NWD1: variants seen among roughly 807,000 people sequenced by gnomAD.
The protein encoded by NWD1 is NACHT and WD repeat domain containing 1.
Under a neutral mutation model 135.1 loss-of-function variants are expected in NWD1, and 129 were observed. The ratio of observed to expected loss-of-function variants is 0.96; its 90% CI spans 0.83 to 1.11. NWD1 has a LOEUF of 1.11. NWD1 is among the 50% of genes least tolerant of loss of function. The pLI, the probability that NWD1 is intolerant of heterozygous loss-of-function variation, is 0.00. For synonymous variants in NWD1, 773 were observed against 786.0 expected, an observed-to-expected ratio of 0.98 and a Z score of 0.28; for missense variants, 1,740 against 1,851.3, an observed-to-expected ratio of 0.94 and a Z score of 1.10.
At chr19:16,783,866 C>T (rs1969947381) in intron 12 of NWD1, among the ~76,000 whole-genome samples, 1 of 152,046 alleles carries the variant, frequency 6.6e-6, no homozygotes, top group African/African-American at 2.4e-5. Context: ...CAACTATTTA[C>T]ATAGCACGTA....
At chr19:16,764,005 T>C in intron 9 of NWD1, 60 bp downstream of exon 9, 2 of 1,021,740 alleles carry the variant, frequency 2.0e-6, no homozygotes, top group South Asian at 1.3e-5. Context: ...GCTCCAGTCT[T>C]CTAGAGCCTG....
intron 11 of NWD1, among the ~76,000 whole-genome samples, chr19:16,775,477 A>G (rs958013914): frequency 4.6e-5 from 7 of 152,024 alleles, no homozygotes; most frequent in African/African-American, 1.2e-4. Flanking sequence ...TTGGCCCAAT[A>G]TAGCTGCTCC....
chr19:16,772,386 G>A (rs139993199), intron 10 of NWD1, among the ~76,000 whole-genome samples: 4 of 152,036 alleles, frequency 2.6e-5, no homozygotes, highest in East Asian at 2.0e-4. Flanking sequence ...ATAGCCAGGC[G>A]CGGTGGCTCA....
intron 10 of NWD1, among the ~76,000 whole-genome samples, chr19:16,766,026 A>C (rs1179555725): frequency 1.3e-5 from 2 of 151,680 alleles, no homozygotes; most frequent in African/African-American, 4.8e-5. Context: ...CAAAAAAAAA[A>C]AAAAAAAAAG....
At position 16,762,056 on chromosome 19, in the gene NWD1, T is replaced by A. The variant is rs1207569452; in HGVS notation, c.2051T>A (p.Phe684Tyr). 1 of 1,613,756 alleles carries A rather than the reference T, an allele frequency of 6.2e-7. No individual in the cohort carries two copies. The highest frequency in any genetic ancestry group is 8.5e-7 in the Non-Finnish European group (1 of 1,179,852). Residue 684 changes from phenylalanine (F) to tyrosine (Y), a missense_variant, in exon 8 of 19, where the codon TTC (phenylalanine) becomes TAC (tyrosine). Coordinates refer to ENST00000524140, the MANE Select transcript of NWD1 (RefSeq NM_001007525.5). ...RAKRHGVLADFFSGTWSQGTK... is the reference protein window; with the variant it reads ...RAKRHGVLADYFSGTWSQGTK... ...AAGAGGCATGGCGTCCTGGCCGACTTCTTCTCAGGGACCTGGAGCCAGGGT... is the reference window on the plus strand; with the variant it reads ...AAGAGGCATGGCGTCCTGGCCGACTACTTCTCAGGGACCTGGAGCCAGGGT...
In NWD1 at chr19:16,753,761, C is replaced by T. The variant is rs1308816629; in HGVS notation, c.1769+3350C>T. Among the ~76,000 whole-genome samples the T allele has an allele frequency of 2.0e-5, 3 of 152,206 alleles. No individual in the cohort carries two copies. The East Asian group carries it at 5.8e-4, about 29-fold the overall frequency. ...TAGTGCAGAGAGTAAGAAACCTTGCCTTAGCCTGAGAGACCCTATCCATTC... is the reference window on the plus strand; with the variant it reads ...TAGTGCAGAGAGTAAGAAACCTTGCTTTAGCCTGAGAGACCCTATCCATTC... On this transcript the variant is annotated intron_variant, in intron 6 of 18. Transcript: ENST00000524140.
At chr19:16,755,394 C>A (rs1458195311) in intron 6 of NWD1, among the ~76,000 whole-genome samples, 1 of 151,616 alleles carries the variant, frequency 6.6e-6, no homozygotes, top group African/African-American at 2.4e-5. Flanking sequence ...TTTATTTCTT[C>A]TTTTTTTTCT....
intron 16 of NWD1, among the ~76,000 whole-genome samples, chr19:16,799,020 C>G (rs1970512256): frequency 6.6e-6 from 1 of 151,236 alleles, no homozygotes; most frequent in Non-Finnish European, 1.5e-5. Flanking sequence ...AAAAGGTTTA[C>G]AGGGCACCCT....
chr19:16,738,614 AT>A (rs1359642527), intron 4 of NWD1, among the ~76,000 whole-genome samples: 1 of 145,630 alleles, frequency 6.9e-6, no homozygotes, highest in Non-Finnish European at 1.5e-5. Flanking sequence ...GAGATATTCT[AT>A]TTTCTGAGAT....
At chr19:16,761,919 C>T in intron 7 of NWD1, 60 bp from the exon 8 acceptor site, 1 of 1,452,112 alleles carries the variant, frequency 6.9e-7, no homozygotes, top group Non-Finnish European at 9.5e-7. Context: ...GGAAGACAAG[C>T]AGCCACCTTT....
At position 16,738,886 on chromosome 19, in the gene NWD1, A is replaced by T. The variant is rs185908504; in HGVS notation, c.198+2136A>T. On this transcript the variant is annotated intron_variant, in intron 4 of 18. Transcript: ENST00000524140. ...TATAATATATAATACATTATATATT[A>T]TATATATATATATTTCACTCCTTTT... Among the ~76,000 whole-genome samples, 843 of 141,390 alleles carry T rather than the reference A, an allele frequency of 6.0e-3. 9 individuals are homozygous for T. Among genetic ancestry groups the T allele is most frequent in the African/African-American group, 0.021 (803 of 37,592 alleles). 92.8% of individuals were successfully genotyped at this position (141,390 alleles called of 152,430 possible).
chr19:16,791,662 G>C, intron 14 of NWD1, 40 bp downstream of exon 14: 1 of 1,577,800 alleles, frequency 6.3e-7, no homozygotes, highest in Non-Finnish European at 8.7e-7. Context: ...CATTAACTCA[G>C]CTTGAAAGTG....
intron 1 of NWD1, among the ~76,000 whole-genome samples, chr19:16,723,200 AT>A (rs1321238240): frequency 6.6e-6 from 1 of 151,808 alleles, no homozygotes; most frequent in African/African-American, 2.4e-5. Flanking sequence ...TGTCCAGCTG[AT>A]TTTTTTGCTG....
At position 16,746,680 on chromosome 19, in the gene NWD1, A is replaced by G. The variant is rs574828163; in HGVS notation, c.496+1962A>G. Reference sequence around the variant, plus strand: ...GAGCAAGACTCTGTCTAAAAACAAAAAACAAAAAACAACAAAAAAAAACAG... The same window carrying G: ...GAGCAAGACTCTGTCTAAAAACAAAGAACAAAAAACAACAAAAAAAAACAG... On this transcript the variant is annotated intron_variant, in intron 5 of 18. Coordinates refer to ENST00000524140, the MANE Select transcript of NWD1 (RefSeq NM_001007525.5). Among the ~76,000 whole-genome samples the G allele has an allele frequency of 1.4e-4, 16 of 117,218 alleles. No homozygotes were observed. The East Asian group carries it at 3.2e-3, about 24-fold the overall frequency. The allele number at this position is 117,218 out of a possible 152,430, so 76.9% of individuals were successfully genotyped here.
chr19:16,730,888 A>AT (rs897971577), intron 2 of NWD1, among the ~76,000 whole-genome samples: 23 of 144,732 alleles, frequency 1.6e-4, no homozygotes, highest in South Asian at 8.8e-4. Flanking sequence ...GCCTATTGCG[A>AT]TTTTTTTTAT....
chr19:16,746,900 G>C (rs185419167), intron 5 of NWD1, among the ~76,000 whole-genome samples: 1 of 152,166 alleles, frequency 6.6e-6, no homozygotes, highest in East Asian at 1.9e-4. Flanking sequence ...GGAAGAGGAG[G>C]GGTTGGTCTT....
At chr19:16,736,589 C>A in intron 3 of NWD1, 45 bp from the exon 4 acceptor site, 1 of 1,222,506 alleles carries the variant, frequency 8.2e-7, no homozygotes, top group Non-Finnish European at 1.2e-6. Flanking sequence ...AAACAAATCA[C>A]CTGTCATGCC....
At chr19:16,776,429 G>A (rs1012606729) in intron 11 of NWD1, among the ~76,000 whole-genome samples, 3 of 151,752 alleles carry the variant, frequency 2.0e-5, no homozygotes, top group East Asian at 3.9e-4. Flanking sequence ...TTAGCCGGGC[G>A]TTGTAGCGGA....
rs747043480 is a variant in NWD1 at position 16,750,184 on chromosome 19, G to T, written c.1542G>T (p.Thr514=). 2 of 1,613,246 alleles carry T rather than the reference G, an allele frequency of 1.2e-6. No homozygotes were observed. Among genetic ancestry groups the T allele is most frequent in the South Asian group, 1.1e-5 (1 of 91,022 alleles). Reference sequence around the variant, plus strand: ...TCCTGCTGGCAGCTGCAAGGAGGACGCTGAGCCCGGTGCACACAGATTTGC... The same window carrying T: ...TCCTGCTGGCAGCTGCAAGGAGGACTCTGAGCCCGGTGCACACAGATTTGC... ...IQLLLAAARR[T]LSPVHTDLLW... Residue 514 remains threonine, a synonymous_variant, in exon 6 of 19, where the codon ACG becomes ACT. Transcript: ENST00000524140.
Sources: allele counts gnomAD v4.1 joint callset (sites outside exome capture counted in the v4.1 genomes callset), GRCh38; gene constraint gnomAD v4.1.1; transcripts MANE v1.5; gene names NCBI Gene and HGNC (gene_info 2026-07-23, HGNC 2026-07-21).